SKAP1: variants seen among roughly 807,000 people sequenced by gnomAD.
SKAP1 encodes the protein src kinase-associated phosphoprotein 1.
A neutral mutation model predicts 58.5 loss-of-function variants in SKAP1; 44 were observed. The observed-to-expected ratio is 0.75, with a 90% CI of 0.59 to 0.97. The LOEUF is 0.97. SKAP1 is among the 50% of genes least tolerant of loss of function. The pLI, the probability that SKAP1 is intolerant of heterozygous loss-of-function variation, is 0.00. For synonymous variants in SKAP1, 127 were observed against 149.7 expected, an observed-to-expected ratio of 0.85 and a Z score of 1.11; for missense variants, 390 against 435.2, an observed-to-expected ratio of 0.90 and a Z score of 0.92.
the SKAP1 span, among the ~76,000 whole-genome samples, chr17:48,441,265 T>C: frequency 6.6e-6 from 1 of 152,148 alleles, no homozygotes; most frequent in African/African-American, 2.4e-5. Context: ...ATTTCAGAGC[T>C]GGAAGGAACT....
intron 4 of SKAP1, among the ~76,000 whole-genome samples, chr17:48,320,094 C>T (rs1307523475): frequency 6.6e-6 from 1 of 151,546 alleles, no homozygotes. Flanking sequence ...GCAAGATAAC[C>T]CAGGAATAAA....
chr17:48,167,921 TA>T (rs1235181404), intron 10 of SKAP1, among the ~76,000 whole-genome samples: 1 of 152,200 alleles, frequency 6.6e-6, no homozygotes, highest in Non-Finnish European at 1.5e-5. Flanking sequence ...CCCTTAATGT[TA>T]GACTACTGGG....
rs1447471010 is a variant in SKAP1, at chr17:48,195,765, C to T, written c.281-6265G>A. Among the ~76,000 whole-genome samples the T allele has an allele frequency of 3.3e-5, 5 of 152,152 alleles. No individual in the cohort carries two copies. In the East Asian group the frequency reaches 9.6e-4, roughly 29 times the overall value. Reference sequence around the variant, plus strand: ...CACATTTGTAGTTAGCAAACCAACACAGAAGACAACTTTCATGAGACCTCA... The same window carrying T: ...CACATTTGTAGTTAGCAAACCAACATAGAAGACAACTTTCATGAGACCTCA... On this transcript the variant is annotated intron_variant, in intron 4 of 12. Transcript: ENST00000336915.
chr17:48,280,133 T>C (rs904271932), intron 4 of SKAP1, among the ~76,000 whole-genome samples: 2 of 152,208 alleles, frequency 1.3e-5, no homozygotes, highest in African/African-American at 4.8e-5. Flanking sequence ...ATATTTTGTA[T>C]GTTTGGTTTT....
chr17:48,427,890 T>A (rs1315560182), intron 1 of SKAP1, among the ~76,000 whole-genome samples: 4 of 152,036 alleles, frequency 2.6e-5, no homozygotes, highest in African/African-American at 7.2e-5. Flanking sequence ...TTTTTTCTAA[T>A]TGTCAACAGT....
At chr17:48,189,775 A>G (rs1452078274) in intron 4 of SKAP1, among the ~76,000 whole-genome samples, 4 of 151,386 alleles carry the variant, frequency 2.6e-5, no homozygotes, top group Admixed American at 6.6e-5. Context: ...CCCAGGTTCG[A>G]GCCATTCTCC....
At chr17:48,210,127 C>T (rs1486641860) in intron 4 of SKAP1, among the ~76,000 whole-genome samples, 1 of 152,160 alleles carries the variant, frequency 6.6e-6, no homozygotes, top group African/African-American at 2.4e-5. Context: ...ATGCGGTAGA[C>T]CACTGAGTAG....
chr17:48,198,184 G>A lies in SKAP1; in HGVS notation c.281-8684C>T, dbSNP rs190755684. Among the ~76,000 whole-genome samples, 674 of 152,138 alleles carry A rather than the reference G, an allele frequency of 4.4e-3. 6 individuals are homozygous for A. The highest frequency in any genetic ancestry group is 0.015 in the African/African-American group (643 of 41,518). ...ATAAGAATGGGTTTTGGCCGGGCGC[G>A]GTGGCTCACGCCTGTAATCCTAGCA... is the stretch of plus-strand genomic sequence containing the variant. On this transcript the variant is annotated intron_variant, in intron 4 of 12. Coordinates refer to ENST00000336915, the MANE Select transcript of SKAP1 (RefSeq NM_003726.4).
At chr17:48,301,150 C>T (rs2066051075) in intron 4 of SKAP1, among the ~76,000 whole-genome samples, 1 of 152,168 alleles carries the variant, frequency 6.6e-6, no homozygotes, top group Non-Finnish European at 1.5e-5. Flanking sequence ...TCATTCTTTT[C>T]ACCAAACAAC....
chr17:48,326,047 C>T (rs368820174), intron 4 of SKAP1, among the ~76,000 whole-genome samples: 2 of 152,092 alleles, frequency 1.3e-5, no homozygotes, highest in East Asian at 3.8e-4. Context: ...GTGCAAACAA[C>T]GTAAATCTAC....
At chr17:48,212,920 G>A (rs1020497688) in intron 4 of SKAP1, among the ~76,000 whole-genome samples, 10 of 152,198 alleles carry the variant, frequency 6.6e-5, no homozygotes, top group African/African-American at 1.4e-4. Context: ...GTTGATTGGC[G>A]TGCAGAATTC....
At chr17:48,252,224 C>CAG (rs143946405) in intron 4 of SKAP1, among the ~76,000 whole-genome samples, 52,335 of 150,078 alleles carry the variant, frequency 0.35, 9,477 homozygotes, top group South Asian at 0.58. Flanking sequence ...GAGAATGGGG[C>CAG]AGAGAGAGAG....
At chr17:48,220,720 G>A (rs1158142075) in intron 4 of SKAP1, among the ~76,000 whole-genome samples, 1 of 151,940 alleles carries the variant, frequency 6.6e-6, no homozygotes, top group Non-Finnish European at 1.5e-5. Flanking sequence ...GGGCGTGGTT[G>A]CACATGCCTG....
At chr17:48,264,922 A>AT (rs1257559732) in intron 4 of SKAP1, among the ~76,000 whole-genome samples, 1 of 152,170 alleles carries the variant, frequency 6.6e-6, no homozygotes, top group Non-Finnish European at 1.5e-5. Flanking sequence ...CGAAGCTGGC[A>AT]TGGGGAGCTG....
intron 1 of SKAP1, among the ~76,000 whole-genome samples, chr17:48,417,752 A>G (rs957490526): frequency 2.0e-5 from 3 of 152,042 alleles, no homozygotes; most frequent in African/African-American, 7.2e-5. Context: ...CTCAAAAAAA[A>G]AAAAAAAAAG....
intron 4 of SKAP1, among the ~76,000 whole-genome samples, chr17:48,222,198 A>G (rs7220940): frequency 0.84 from 127,294 of 152,058 alleles, 53,343 homozygotes; most frequent in East Asian, 0.95. Context: ...TGAGGTAAAA[A>G]GAGCTTGGTC....
chr17:48,413,042 T>C (rs538204648), intron 1 of SKAP1, among the ~76,000 whole-genome samples: 5 of 148,386 alleles, frequency 3.4e-5, no homozygotes, highest in African/African-American at 4.9e-5. Flanking sequence ...ACTTACTAGA[T>C]GAATAAGCAT....
intron 4 of SKAP1, among the ~76,000 whole-genome samples, chr17:48,262,092 A>G (rs2065491888): frequency 6.6e-6 from 1 of 152,224 alleles, no homozygotes. Context: ...ATCTAAAAAT[A>G]TTAGTAGTGT....
intron 9 of SKAP1, among the ~76,000 whole-genome samples, chr17:48,171,734 AGTGTGTGTGT>A (rs3221423): frequency 6.7e-6 from 1 of 148,990 alleles, no homozygotes; most frequent in East Asian, 2.0e-4. Context: ...AGGATGTTAG[AGTGTGTGTGT>A]GTGTGTGTGT....
Sources: allele counts gnomAD v4.1 joint callset (sites outside exome capture counted in the v4.1 genomes callset), GRCh38; gene constraint gnomAD v4.1.1; transcripts MANE v1.5; gene names NCBI Gene and HGNC (gene_info 2026-07-23, HGNC 2026-07-21).